The following MYT1L variants were observed in gnomAD, a reference collection of about 807,000 sequenced individuals.
MYT1L encodes myelin transcription factor 1-like protein.
A neutral mutation model predicts 126.7 loss-of-function variants in MYT1L; 12 were observed. That is an observed-to-expected ratio of 0.09 (90% confidence interval 0.06 to 0.15). The LOEUF (loss-of-function observed/expected upper bound fraction) is 0.15. Among genes scored for constraint, MYT1L ranks in the 10% least tolerant of loss-of-function variants. MYT1L has a pLI of 1.00. For missense variants in MYT1L, 979 were observed against 1,585.2 expected (o/e 0.62, Z 6.49); for synonymous variants, 541 against 604.2 (o/e 0.90, Z 1.53).
chr2:2,126,195 C>T (rs1326495289), intron 3 of MYT1L, among the ~76,000 whole-genome samples: 1 of 152,178 alleles, frequency 6.6e-6, no homozygotes, highest in Non-Finnish European at 1.5e-5. Context: ...TCTGGTCAAG[C>T]TGCTCTAAGC....
At position 1,792,027 on chromosome 2, in the gene MYT1L, A is replaced by C; in HGVS notation, c.3421-20T>G. 6.5e-7 allele frequency: 1 copy of C among 1,529,034 alleles called. No homozygotes were observed. Among genetic ancestry groups the C allele is most frequent in the Non-Finnish European group, 8.8e-7 (1 of 1,131,372 alleles). 94.7% of individuals were successfully genotyped at this position (1,529,034 alleles called of 1,614,324 possible). ...TGGATCCTACGAGATATTAAATAGTAGTTCATATACAACTTTTATTTTCTT... is the reference window on the plus strand; with the variant it reads ...TGGATCCTACGAGATATTAAATAGTCGTTCATATACAACTTTTATTTTCTT... On this transcript the variant is annotated intron_variant, in intron 24 of 24. Transcript: ENST00000647738.
intron 2 of MYT1L, among the ~76,000 whole-genome samples, chr2:2,185,184 A>C (rs73176027): frequency 2.0e-5 from 3 of 152,324 alleles, no homozygotes; most frequent in African/African-American, 7.2e-5. Context: ...GCCTCCTTAT[A>C]AAAGGCCTAG....
At chr2:2,213,747 TC>T (rs1462584073) in intron 2 of MYT1L, among the ~76,000 whole-genome samples, 2 of 152,104 alleles carry the variant, frequency 1.3e-5, no homozygotes, top group African/African-American at 4.8e-5. Context: ...AGAGGAAAGC[TC>T]AAAAATATTT....
chr2:2,208,579 C>T (rs6720556), intron 2 of MYT1L, among the ~76,000 whole-genome samples: 24,437 of 152,150 alleles, frequency 0.16, 2,110 homozygotes, highest in African/African-American at 0.22. Flanking sequence ...ATAACTGAAT[C>T]ATACACAACA....
chr2:2,138,779 G>T (rs1283396973), intron 3 of MYT1L, among the ~76,000 whole-genome samples: 8 of 148,704 alleles, frequency 5.4e-5, no homozygotes, highest in Non-Finnish European at 1.2e-4. Context: ...CACCAGCATG[G>T]CACATGTATA....
intron 3 of MYT1L, among the ~76,000 whole-genome samples, chr2:2,164,055 AAATTT>A (rs1352976337): frequency 6.6e-6 from 1 of 152,146 alleles, no homozygotes; most frequent in African/African-American, 2.4e-5. Flanking sequence ...TAATTTATAT[AAATTT>A]AATTTCTTAT....
At chr2:2,199,757 C>T (rs1449255933) in intron 2 of MYT1L, among the ~76,000 whole-genome samples, 1 of 152,182 alleles carries the variant, frequency 6.6e-6, no homozygotes, top group African/African-American at 2.4e-5. Context: ...AGCACTTCTT[C>T]CTCTTTCCTC....
At chr2:1,966,896 C>T (rs1176891205) in intron 8 of MYT1L, among the ~76,000 whole-genome samples, 1 of 152,078 alleles carries the variant, frequency 6.6e-6, no homozygotes, top group Non-Finnish European at 1.5e-5. Flanking sequence ...GTTACCAATG[C>T]CCTGGACGAA....
At chr2:2,065,821 TATACAC>T (rs1223798925) in intron 3 of MYT1L, among the ~76,000 whole-genome samples, 1 of 119,626 alleles carries the variant, frequency 8.4e-6, no homozygotes, top group Admixed American at 8.2e-5. Flanking sequence ...CTCTCTCTTT[TATACAC>T]ACACACACAC....
intron 3 of MYT1L, among the ~76,000 whole-genome samples, chr2:2,057,829 A>T (rs553427690): frequency 2.1e-4 from 32 of 152,318 alleles, no homozygotes; most frequent in Admixed American, 1.8e-3. Flanking sequence ...TACACAGTTT[A>T]ACTCTTCATG....
At chr2:1,992,856 C>T (rs2061547378) in intron 5 of MYT1L, among the ~76,000 whole-genome samples, 1 of 152,180 alleles carries the variant, frequency 6.6e-6, no homozygotes, top group African/African-American at 2.4e-5. Flanking sequence ...CTACAAGATT[C>T]TGACCCTCCC....
chr2:1,874,447 T>C (rs1281341307), intron 18 of MYT1L, among the ~76,000 whole-genome samples: 1 of 152,176 alleles, frequency 6.6e-6, no homozygotes, highest in Non-Finnish European at 1.5e-5. Context: ...GCCAGACTTA[T>C]CTCTCAGCTG....
intron 3 of MYT1L, among the ~76,000 whole-genome samples, chr2:2,164,443 C>T (rs2088649136): frequency 6.6e-6 from 1 of 152,182 alleles, no homozygotes; most frequent in South Asian, 2.1e-4. Context: ...ATGAACAAAA[C>T]ACGTGGGGAT....
At chr2:2,281,738 G>A (rs1223004667) in intron 2 of MYT1L, among the ~76,000 whole-genome samples, 1 of 152,172 alleles carries the variant, frequency 6.6e-6, no homozygotes, top group Non-Finnish European at 1.5e-5. Flanking sequence ...CCATTAAGTT[G>A]AATTGAATTA....
chr2:2,132,035 A>G (rs1309079998), intron 3 of MYT1L, among the ~76,000 whole-genome samples: 1 of 149,686 alleles, frequency 6.7e-6, no homozygotes, highest in Non-Finnish European at 1.5e-5. Flanking sequence ...CAGCCTCCGG[A>G]GTAGCTGGGA....
At chr2:1,913,327 G>A (rs984161426) in intron 11 of MYT1L, among the ~76,000 whole-genome samples, 2 of 152,142 alleles carry the variant, frequency 1.3e-5, no homozygotes, top group African/African-American at 4.8e-5. Context: ...GTCCTAGTAA[G>A]TGCTGTCAGA....
At chr2:2,306,885 T>A (rs190474117) in intron 1 of MYT1L, among the ~76,000 whole-genome samples, 1 of 152,234 alleles carries the variant, frequency 6.6e-6, no homozygotes, top group African/African-American at 2.4e-5. Context: ...TAAATAGCTA[T>A]CAATGCAAGG....
rs1223310765 is a variant in MYT1L, at chr2:1,797,871, C to G, written c.3276+3825G>C. On this transcript the variant is annotated intron_variant, in intron 23 of 24. Transcript: ENST00000647738. The stretch of plus-strand genomic sequence containing the variant: ...CCGGCACAGGCGCGGCGGTCTCCCC[C>G]CATCCGGCACAGGCGCGGCGGTCTC... 6.4e-4 allele frequency among the ~76,000 whole-genome samples: 90 copies of G among 140,316 alleles called. 2 individuals are homozygous for G. Among genetic ancestry groups the G allele is most frequent in the Admixed American group, 5.1e-3 (70 of 13,620 alleles). The allele number at this position is 140,316 out of a possible 152,430, so 92.1% of individuals were successfully genotyped here. A position where few individuals can be genotyped will look rare whatever the true frequency, so the allele number is the denominator to read the frequency against.
chr2:1,888,281 A>G (rs535840087), intron 16 of MYT1L, among the ~76,000 whole-genome samples: 2 of 152,328 alleles, frequency 1.3e-5, no homozygotes, highest in South Asian at 2.1e-4. Flanking sequence ...GAATTTGGAG[A>G]TTCAACCACC....
Sources: allele counts gnomAD v4.1 joint callset (sites outside exome capture counted in the v4.1 genomes callset), GRCh38; gene constraint gnomAD v4.1.1; transcripts MANE v1.5; gene names NCBI Gene and HGNC (gene_info 2026-07-23, HGNC 2026-07-21).